The following BRIP1 variants were observed in gnomAD, a reference collection of about 807,000 sequenced individuals.
BRIP1 encodes Fanconi anemia group J protein.
Under a neutral mutation model 119.7 loss-of-function variants are expected in BRIP1, and 88 were observed. The ratio of observed to expected loss-of-function variants is 0.74; its 90% CI spans 0.62 to 0.88. The LOEUF is 0.88. Among genes scored for constraint, BRIP1 ranks in the 40% least tolerant of loss-of-function variants. The probability of loss-of-function intolerance (pLI) is 0.00; values close to 1 mark genes in which losing one functional copy is unlikely to be tolerated. For missense variants in BRIP1, 1,259 were observed against 1,455.4 expected (o/e 0.87, Z 2.20); for synonymous variants, 443 against 496.5 (o/e 0.89, Z 1.43).
At position 61,802,513 on chromosome 17, in the gene BRIP1, A is replaced by G. The variant is rs1364002438; in HGVS notation, c.919-1039T>C. Among the ~76,000 whole-genome samples, 1 of 152,226 alleles carries G rather than the reference A, an allele frequency of 6.6e-6. No individual in the cohort carries two copies. Among genetic ancestry groups the G allele is most frequent in the African/African-American group, 2.4e-5 (1 of 41,458 alleles). ...AAATGTTCCCCAGGCATTGAGGATT[A>G]TTAACAATTCAGCCACAATAAACAA... On this transcript the variant is annotated intron_variant, in intron 7 of 19. Coordinates refer to ENST00000259008, the MANE Select transcript of BRIP1 (RefSeq NM_032043.3). This position sits in a 1 kb window ranked among gnomAD's most constrained non-coding sequence, Gnocchi z 6.0.
Position 61,841,558 on chromosome 17 carries a change from T to C in BRIP1, c.627+5543A>G, listed in dbSNP as rs944524504. ...AAAGACAAAAAAAAATAACAAATGTTAGTGACGATGTGGAGAAGAAACTCA... is the reference window on the plus strand; with the variant it reads ...AAAGACAAAAAAAAATAACAAATGTCAGTGACGATGTGGAGAAGAAACTCA... On this transcript the variant is annotated intron_variant, in intron 6 of 19. Coordinates refer to ENST00000259008, the MANE Select transcript of BRIP1 (RefSeq NM_032043.3). The surrounding 1 kb of genome is among the most constrained non-coding windows in gnomAD (Gnocchi z 4.1). 1.3e-5 allele frequency among the ~76,000 whole-genome samples: 2 copies of C among 152,130 alleles called. No individual in the cohort carries two copies. Among genetic ancestry groups the C allele is most frequent in the African/African-American group, 2.4e-5 (1 of 41,416 alleles).
Position 61,808,927 on chromosome 17 carries a change from TAA to T in BRIP1, c.628-172_628-171del, listed in dbSNP as rs1329529015. ...TGCCATTAAAGAAAAAACTACAATTTAAAATTGGTCCTCATTCTTTCTTTTAA... is the reference window on the plus strand; with the variant it reads ...TGCCATTAAAGAAAAAACTACAATTTAATTGGTCCTCATTCTTTCTTTTAA... On this transcript the variant is annotated intron_variant, in intron 6 of 19. Transcript: ENST00000259008. This position sits in a 1 kb window ranked among gnomAD's most constrained non-coding sequence, Gnocchi z 4.1. Among the ~76,000 whole-genome samples the T allele has an allele frequency of 6.6e-6, 1 of 152,204 alleles. No homozygotes were observed. Among genetic ancestry groups the T allele is most frequent in the African/African-American group, 2.4e-5 (1 of 41,456 alleles).
In BRIP1 at chr17:61,814,639, A is replaced by C. The variant is rs2078210262; in HGVS notation, c.628-5882T>G. ...ACTGCTGATCGAAGTATAAATTGGC[A>C]CAACTACTTGAGAGCAAATTGGTGA... On this transcript the variant is annotated intron_variant, in intron 6 of 19. Transcript: ENST00000259008. The surrounding 1 kb of genome is among the most constrained non-coding windows in gnomAD (Gnocchi z 4.9). Among the ~76,000 whole-genome samples the C allele has an allele frequency of 6.6e-6, 1 of 152,106 alleles. No homozygotes were observed. The highest frequency in any genetic ancestry group is 2.4e-5 in the African/African-American group (1 of 41,454).
At position 61,843,143 on chromosome 17, in the gene BRIP1, A is replaced by C. The variant is rs2078681137; in HGVS notation, c.627+3958T>G. On this transcript the variant is annotated intron_variant, in intron 6 of 19. Transcript: ENST00000259008. This position sits in a 1 kb window ranked among gnomAD's most constrained non-coding sequence, Gnocchi z 5.7. Reference sequence around the variant, plus strand: ...GGAAAAATACTACATGATCTCACTTATACGTGGAATCTAAAAAAGTCAAAT... The same window carrying C: ...GGAAAAATACTACATGATCTCACTTCTACGTGGAATCTAAAAAAGTCAAAT... Among the ~76,000 whole-genome samples the C allele has an allele frequency of 6.6e-6, 1 of 152,224 alleles. No individual in the cohort carries two copies. Among genetic ancestry groups the C allele is most frequent in the Non-Finnish European group, 1.5e-5 (1 of 68,038 alleles).
chr17:61,786,091 G>A (rs971803900), intron 10 of BRIP1, among the ~76,000 whole-genome samples: 5 of 151,902 alleles, frequency 3.3e-5, no homozygotes, highest in South Asian at 2.1e-4. Flanking sequence ...TGATATCCAC[G>A]CTGAATATCA....
chr17:61,723,341 ATTC>A (rs777843221), intron 16 of BRIP1, among the ~76,000 whole-genome samples: 14 of 152,346 alleles, frequency 9.2e-5, no homozygotes, highest in South Asian at 2.1e-4. Flanking sequence ...TTATAAACAC[ATTC>A]TTATCTCTCA....
rs530236987 is a variant in BRIP1 at position 61,823,193 on chromosome 17, A to T, written c.628-14436T>A. ...GCTTATAGTAGTTTTCACTTAGAAC[A>T]ATGCATATATTTGTTTAAGTTTTCC... On this transcript the variant is annotated intron_variant, in intron 6 of 19. Coordinates refer to ENST00000259008, the MANE Select transcript of BRIP1 (RefSeq NM_032043.3). The surrounding 1 kb of genome is among the most constrained non-coding windows in gnomAD (Gnocchi z 4.8). 6.6e-6 allele frequency among the ~76,000 whole-genome samples: 1 copy of T among 152,374 alleles called. No individual in the cohort carries two copies. The highest frequency in any genetic ancestry group is 2.4e-5 in the African/African-American group (1 of 41,590).
intron 6 of BRIP1, among the ~76,000 whole-genome samples, chr17:61,818,959 G>T (rs946772726): frequency 1.3e-5 from 2 of 152,076 alleles, no homozygotes; most frequent in Non-Finnish European, 2.9e-5. Flanking sequence ...GCCGAGGGGG[G>T]CAGATCACCT....
intron 6 of BRIP1, among the ~76,000 whole-genome samples, chr17:61,811,098 C>T (rs1194670897): frequency 2.0e-5 from 3 of 152,042 alleles, no homozygotes; most frequent in Non-Finnish European, 4.4e-5. Flanking sequence ...TATTATAAAC[C>T]ACAGCTAACT....
chr17:61,743,708 G>A lies in BRIP1; in HGVS notation c.2258-574C>T, dbSNP rs561999816. On this transcript the variant is annotated intron_variant, in intron 15 of 19. Transcript: ENST00000259008. The surrounding 1 kb of genome is among the most constrained non-coding windows in gnomAD (Gnocchi z 4.3). The stretch of plus-strand genomic sequence containing the variant: ...TTATTTTATTATTTTTTGTGTGTGA[G>A]ACAGGGTCTCACTCTGTCAGCCAGG... 6.6e-6 allele frequency among the ~76,000 whole-genome samples: 1 copy of A among 152,004 alleles called. No individual in the cohort carries two copies. Among genetic ancestry groups the A allele is most frequent in the East Asian group, 1.9e-4 (1 of 5,176 alleles).
chr17:61,690,473 ATT>A lies in BRIP1; in HGVS notation c.2575+2955_2575+2956del, dbSNP rs1401281664. Among the ~76,000 whole-genome samples, 1 of 152,362 alleles carries A rather than the reference ATT, an allele frequency of 6.6e-6. No individual in the cohort carries two copies. The highest frequency in any genetic ancestry group is 1.9e-4 in the East Asian group (1 of 5,194). On this transcript the variant is annotated intron_variant, in intron 18 of 19. Coordinates refer to ENST00000259008, the MANE Select transcript of BRIP1 (RefSeq NM_032043.3). The surrounding 1 kb of genome is among the most constrained non-coding windows in gnomAD (Gnocchi z 5.6). The stretch of plus-strand genomic sequence containing the variant: ...TGTAGAGTTTATACAACTGAAATGA[ATT>A]TGTTAGCTGAAAATATTGTTATAAC...
At chr17:61,711,300 G>T (rs924904546) in intron 17 of BRIP1, among the ~76,000 whole-genome samples, 12 of 151,880 alleles carry the variant, frequency 7.9e-5, no homozygotes, top group Admixed American at 6.6e-4. Flanking sequence ...CTTATTTTCC[G>T]CAAATTGAGT....
chr17:61,821,443 G>A (rs1603351717), intron 6 of BRIP1, among the ~76,000 whole-genome samples: 1 of 151,928 alleles, frequency 6.6e-6, no homozygotes, highest in Non-Finnish European at 1.5e-5. Context: ...AGTGTGAATC[G>A]GCCTTAGGTT....
rs186451946 is a variant in BRIP1, at chr17:61,684,678, T to C, written c.2906-538A>G. ...ATTTATAGTGAATTTTGTATTACTA[T>C]TTTGTAGTATTTATATACAAAATTG... On this transcript the variant is annotated intron_variant, in intron 19 of 19. Transcript: ENST00000259008. The surrounding 1 kb of genome is among the most constrained non-coding windows in gnomAD (Gnocchi z 4.5). 3.3e-5 allele frequency: 5 copies of C among 152,726 alleles called. No individual in the cohort carries two copies. Among genetic ancestry groups the C allele is most frequent in the African/African-American group, 1.2e-4 (5 of 41,580 alleles). The allele number at this position is 152,726 out of a possible 1,614,324, so 9.5% of individuals were successfully genotyped here. A position where few individuals can be genotyped will look rare whatever the true frequency, so the allele number is the denominator to read the frequency against.
In BRIP1 at chr17:61,736,450, G is replaced by A. The variant is rs1261668490; in HGVS notation, c.2379+6563C>T. 6.6e-6 allele frequency among the ~76,000 whole-genome samples: 1 copy of A among 152,178 alleles called. No individual in the cohort carries two copies. The highest frequency in any genetic ancestry group is 2.4e-5 in the African/African-American group (1 of 41,430). On this transcript the variant is annotated intron_variant, in intron 16 of 19. Transcript: ENST00000259008. This position sits in a 1 kb window ranked among gnomAD's most constrained non-coding sequence, Gnocchi z 4.4. ...TGTATTAAATAAAGTGTAAGATGCT[G>A]TTGAGGATTGAGCATTCCCTTCTAC... is the stretch of plus-strand genomic sequence containing the variant.
rs541987146 is a variant in BRIP1, at chr17:61,827,809, A to T, written c.628-19052T>A. Among the ~76,000 whole-genome samples, 1 of 152,342 alleles carries T rather than the reference A, an allele frequency of 6.6e-6. No individual in the cohort carries two copies. Among genetic ancestry groups the T allele is most frequent in the South Asian group, 2.1e-4 (1 of 4,832 alleles). On this transcript the variant is annotated intron_variant, in intron 6 of 19. Coordinates refer to ENST00000259008, the MANE Select transcript of BRIP1 (RefSeq NM_032043.3). This position sits in a 1 kb window ranked among gnomAD's most constrained non-coding sequence, Gnocchi z 5.8. ...TAATAAGCAGAAGAAAAGATGCTCA[A>T]CATCACTAATCATTAGGGAAATGCA...
In BRIP1 at chr17:61,701,735, A is replaced by G. The variant is rs1330800703; in HGVS notation, c.2493-8223T>C. Among the ~76,000 whole-genome samples the G allele has an allele frequency of 1.3e-5, 2 of 152,168 alleles. No homozygotes were observed. The highest frequency in any genetic ancestry group is 6.5e-5 in the Admixed American group (1 of 15,272). ...TTTGGCTAGCCTCTCACTTGCCCCA[A>G]ATGTCATTCATTGTCTCAGGCAACT... On this transcript the variant is annotated intron_variant, in intron 17 of 19. Transcript: ENST00000259008. This position sits in a 1 kb window ranked among gnomAD's most constrained non-coding sequence, Gnocchi z 5.1.
Position 61,715,981 on chromosome 17 carries a change from G to A in BRIP1, c.2462C>T (p.Ala821Val), listed in dbSNP as rs876658697. 1 of 1,607,334 alleles carries A rather than the reference G, an allele frequency of 6.2e-7. No homozygotes were observed. The highest frequency in any genetic ancestry group is 1.7e-5 in the Admixed American group (1 of 59,790). ...AAGGGCCTGGTTTAAGGCCCTGTATGCTTGAATTTCATACCACTGACGGCC... is the reference window on the plus strand; with the variant it reads ...AAGGGCCTGGTTTAAGGCCCTGTATACTTGAATTTCATACCACTGACGGCC... ...LPGRQWYEIQAYRALNQALGR... is the reference protein window; with the variant it reads ...LPGRQWYEIQVYRALNQALGR... Residue 821 changes from alanine to valine, a missense_variant, in exon 17 of 20, where the codon GCA becomes GTA. Ala to Val is a moderately conservative substitution (Grantham distance 64, BLOSUM62 0). Transcript: ENST00000259008.
intron 11 of BRIP1, 40 bp downstream of exon 11, chr17:61,784,229 TA>T (rs746292034): frequency 3.2e-6 from 5 of 1,579,596 alleles, no homozygotes; most frequent in Non-Finnish European, 8.7e-7. Flanking sequence ...CAAATTAGGC[TA>T]TTTTTAAAAG....
Sources: gnomAD v4.1 joint callset for allele counts (sites outside exome capture counted in the v4.1 genomes callset) on GRCh38, gnomAD v4.1.1 for gene constraint, Gnocchi (gnomAD v3.1) non-coding constraint, MANE v1.5 for transcripts, NCBI Gene and HGNC (gene_info 2026-07-23, HGNC 2026-07-21) for gene names.